Variants in RAD52 observed in about 807,000 individuals in gnomAD.
The protein encoded by RAD52 is RAD52 DNA repair protein.
Under a neutral mutation model 55.5 loss-of-function variants are expected in RAD52, and 47 were observed. That is an observed-to-expected ratio of 0.85 (90% confidence interval 0.67 to 1.08). The LOEUF is 1.08. RAD52 is among the 50% of genes least tolerant of loss of function. RAD52 has a pLI of 0.00. For synonymous variants in RAD52, 184 were observed against 198.9 expected, an observed-to-expected ratio of 0.92 and a Z score of 0.63; for missense variants, 468 against 522.8, an observed-to-expected ratio of 0.90 and a Z score of 1.02.
chr12:960,703 C>T (rs1175917738), intron 1 of RAD52, among the ~76,000 whole-genome samples: 1 of 152,056 alleles, frequency 6.6e-6, no homozygotes, highest in East Asian at 1.9e-4. Context: ...TGACCTCAAG[C>T]GATGCCCCCC....
chr12:916,563 T>C, intron 8 of RAD52, 76 bp downstream of exon 8: 1 of 1,599,462 alleles, frequency 6.3e-7, no homozygotes, highest in African/African-American at 1.3e-5. Context: ...GCTGGCTGGC[T>C]CTGGAGGCCT....
chr12:930,256 C>T, intron 3 of RAD52, 112 bp from the exon 4 acceptor site: 1 of 859,440 alleles, frequency 1.2e-6, no homozygotes, highest in Non-Finnish European at 1.8e-6. Flanking sequence ...ATAAACTGTC[C>T]TTAAACATTC....
intron 7 of RAD52, 83 bp from the exon 8 acceptor site, chr12:916,903 T>C: frequency 6.6e-7 from 1 of 1,524,520 alleles, no homozygotes; most frequent in Non-Finnish European, 8.8e-7. Context: ...TTGCGATTCC[T>C]GGAAAATCGC....
At position 920,053 on chromosome 12, in the gene RAD52, CA is replaced by C. The variant is rs746260206; in HGVS notation, c.544-3234del. 2.2e-3 allele frequency among the ~76,000 whole-genome samples: 199 copies of C among 89,504 alleles called. 3 individuals are homozygous for C. The highest frequency in any genetic ancestry group is 2.1e-3 in the Non-Finnish European group (91 of 43,648). The allele number at this position is 89,504 out of a possible 152,430, so 58.7% of individuals were successfully genotyped here. On this transcript the variant is annotated intron_variant, in intron 7 of 11. Transcript: ENST00000358495. ...GGCAACAAGAGCAAAAACTCTGTCTCAAAAAAAAAAAAAATTAGCCGGGCAT... is the reference window on the plus strand; with the variant it reads ...GGCAACAAGAGCAAAAACTCTGTCTCAAAAAAAAAAAAATTAGCCGGGCAT...
At chr12:922,207 A>AAC (rs1374813120) in intron 7 of RAD52, among the ~76,000 whole-genome samples, 218 of 151,272 alleles carry the variant, frequency 1.4e-3, no homozygotes, top group African/African-American at 5.0e-3. Context: ...AAAAAAAAAA[A>AAC]AAAAAACCAA....
chr12:933,004 C>T lies in RAD52; in HGVS notation c.55G>A (p.Gly19Ser). 1 of 1,614,060 alleles carries T rather than the reference C, an allele frequency of 6.2e-7. No homozygotes were observed. Among genetic ancestry groups the T allele is most frequent in the South Asian group, 1.1e-5 (1 of 91,090 alleles). The change falls in exon 2 of 12, where the codon GGC becomes AGC. Residue 19 changes from glycine (G) to serine (S), a missense_variant. Transcript: ENST00000358495. ...LGGRDSHPAA[G>S]GGSVLCFGQC... ...CCAAAGCATAACACTGAGCCGCCGC[C>T]AGCAGCAGGATGGCTGTCACGTCCT...
rs115571496 is a variant in RAD52 at position 921,589 on chromosome 12, G to A, written c.543+3861C>T. ...ATCACACGACTGCCCTCCAGCCTGCGTGGGAGGATCACTCAAGCCCAGGAT... is the reference window on the plus strand; with the variant it reads ...ATCACACGACTGCCCTCCAGCCTGCATGGGAGGATCACTCAAGCCCAGGAT... On this transcript the variant is annotated intron_variant, in intron 7 of 11. Transcript: ENST00000358495. 2.6e-3 allele frequency among the ~76,000 whole-genome samples: 393 copies of A among 152,234 alleles called. 1 individual carries two copies. The highest frequency in any genetic ancestry group is 8.9e-3 in the African/African-American group (368 of 41,552).
chr12:949,692 A>T lies in RAD52; in HGVS notation c.-109T>A, dbSNP rs1324278757. On this transcript the variant is annotated 5_prime_UTR_variant, in exon 1 of 12. Coordinates refer to ENST00000358495, the MANE Select transcript of RAD52 (RefSeq NM_134424.4). ...CTTAGATGGAGGCCGCGCAGAGGAG[A>T]ATGGGAAGGGTGCGCGAGCGTCTCT... 6.6e-6 allele frequency: 1 copy of T among 151,860 alleles called. No individual in the cohort carries two copies. The highest frequency in any genetic ancestry group is 1.5e-5 in the Non-Finnish European group (1 of 68,122). 9.4% of individuals were successfully genotyped at this position (151,860 alleles called of 1,614,324 possible). A position where few individuals can be genotyped will look rare whatever the true frequency, so the allele number is the denominator to read the frequency against.
chr12:926,691 C>G, intron 6 of RAD52: 4 of 1,237,174 alleles, frequency 3.2e-6, no homozygotes, highest in South Asian at 1.5e-5. Context: ...GCCAATCAAA[C>G]CTCCTTTATT....
chr12:987,332 CTTTATA>C (rs1959099448), intron 1 of RAD52, among the ~76,000 whole-genome samples: 3 of 150,418 alleles, frequency 2.0e-5, no homozygotes, highest in African/African-American at 7.3e-5. Context: ...TTAGAATCTT[CTTTATA>C]TTTAGAGTTC....
chr12:947,791 G>A (rs1958326863), intron 1 of RAD52, among the ~76,000 whole-genome samples: 1 of 150,340 alleles, frequency 6.7e-6, no homozygotes, highest in Non-Finnish European at 1.5e-5. Flanking sequence ...AGGAGGCTGA[G>A]ATAGGAGAAG....
At chr12:982,641 T>C (rs959715018) in intron 1 of RAD52, among the ~76,000 whole-genome samples, 1 of 139,954 alleles carries the variant, frequency 7.1e-6, no homozygotes, top group Non-Finnish European at 1.5e-5. Flanking sequence ...AACAATCTCT[T>C]CAAGACAATC....
At chr12:933,321 T>A (rs1430824940) in intron 1 of RAD52, among the ~76,000 whole-genome samples, 1 of 151,958 alleles carries the variant, frequency 6.6e-6, no homozygotes, top group African/African-American at 2.4e-5. Context: ...TAGCTGGGCA[T>A]GGTGGCAGGC....
chr12:920,501 G>A (rs1956664160), intron 7 of RAD52, among the ~76,000 whole-genome samples: 1 of 150,408 alleles, frequency 6.6e-6, no homozygotes. Context: ...AGCCTGCAGT[G>A]AGCTGAGATC....
chr12:919,849 C>CCAAGAT lies in RAD52; in HGVS notation c.544-3035_544-3030dup, dbSNP rs1397419077. Among the ~76,000 whole-genome samples, 21 of 116,810 alleles carry CCAAGAT rather than the reference C, an allele frequency of 1.8e-4. 6 individuals are homozygous for CCAAGAT. The East Asian group carries it at 2.5e-3, about 14-fold the overall frequency. The allele number at this position is 116,810 out of a possible 152,430, so 76.6% of individuals were successfully genotyped here. A position where few individuals can be genotyped will look rare whatever the true frequency, so the allele number is the denominator to read the frequency against. Reference sequence around the variant, plus strand: ...GGGCGGATCATCTGAGGTTAAGAGTCCAAGATCAGCCTGACCAACATGGTG... The same window carrying CCAAGAT: ...GGGCGGATCATCTGAGGTTAAGAGTCCAAGATCAAGATCAGCCTGACCAACATGGTG... On this transcript the variant is annotated intron_variant, in intron 7 of 11. Transcript: ENST00000358495.
chr12:988,065 C>G (rs1486513806), intron 1 of RAD52, among the ~76,000 whole-genome samples: 1 of 152,126 alleles, frequency 6.6e-6, no homozygotes, highest in African/African-American at 2.4e-5. Flanking sequence ...GTTGACCTCC[C>G]AGGATGAGGT....
chr12:990,722 G>C (rs1407031336), upstream of RAD52: 1 of 152,348 alleles, frequency 6.6e-6, no homozygotes, highest in East Asian at 1.9e-4. Context: ...CAGCAGCCAG[G>C]GTCGATCCCG....
intron 1 of RAD52, among the ~76,000 whole-genome samples, chr12:984,265 G>A (rs1254107455): frequency 2.0e-5 from 3 of 151,928 alleles, no homozygotes; most frequent in South Asian, 2.1e-4. Context: ...ATGCAATCTC[G>A]GCTCACTGCA....
At chr12:921,687 CATGAGATGAG>C (rs150297521) in intron 7 of RAD52, among the ~76,000 whole-genome samples, 5 of 151,716 alleles carry the variant, frequency 3.3e-5, no homozygotes, top group South Asian at 2.1e-4. Flanking sequence ...GAGATCTTGT[CATGAGATGAG>C]ATGAGATGAG....
Sources: gnomAD v4.1 joint callset for allele counts (sites outside exome capture counted in the v4.1 genomes callset) on GRCh38, gnomAD v4.1.1 for gene constraint, MANE v1.5 for transcripts, NCBI Gene and HGNC (gene_info 2026-07-23, HGNC 2026-07-21) for gene names.